NAA16: variants seen among roughly 807,000 people sequenced by gnomAD.
NAA16 encodes NARG1-like protein.
A neutral mutation model predicts 110.3 loss-of-function variants in NAA16; 97 were observed. The observed-to-expected ratio is 0.88, with a 90% CI of 0.75 to 1.04. The LOEUF is 1.04. Ranked by LOEUF, NAA16 falls within the 50% of genes least tolerant of loss-of-function variation. The pLI is 0.00. For synonymous variants in NAA16, 372 were observed against 330.6 expected, an observed-to-expected ratio of 1.13 and a Z score of -1.36; for missense variants, 1,017 against 1,005.1, an observed-to-expected ratio of 1.01 and a Z score of -0.16.
chr13:41,331,841 T>C (rs141161455), intron 8 of NAA16, among the ~76,000 whole-genome samples: 126 of 152,254 alleles, frequency 8.3e-4, no homozygotes, highest in African/African-American at 2.8e-3. Flanking sequence ...AGGCGATAGG[T>C]ACCCTAAATA....
intron 9 of NAA16, among the ~76,000 whole-genome samples, chr13:41,338,601 G>GTATA (rs1566266361): frequency 6.6e-6 from 1 of 152,236 alleles, no homozygotes; most frequent in East Asian, 1.9e-4. Context: ...TCTGAATTTA[G>GTATA]TATAGTGAGA....
intron 3 of NAA16, among the ~76,000 whole-genome samples, chr13:41,319,853 A>C (rs1462546870): frequency 6.6e-6 from 1 of 150,924 alleles, no homozygotes; most frequent in Non-Finnish European, 1.5e-5. Context: ...GAGCATTGAA[A>C]TTGATTTTCA....
chr13:41,329,971 A>C (rs989057373), intron 7 of NAA16, among the ~76,000 whole-genome samples: 2 of 151,962 alleles, frequency 1.3e-5, no homozygotes, highest in African/African-American at 4.8e-5. Context: ...CTGGAGCTCC[A>C]ACTTGTGACT....
At chr13:41,323,512 G>C (rs1213045039) in intron 5 of NAA16, among the ~76,000 whole-genome samples, 4 of 151,612 alleles carry the variant, frequency 2.6e-5, no homozygotes, top group African/African-American at 9.7e-5. Flanking sequence ...CACCACGCCC[G>C]GCTAATTTTT....
At chr13:41,364,910 G>A (rs1052358811) in intron 13 of NAA16, among the ~76,000 whole-genome samples, 1 of 152,084 alleles carries the variant, frequency 6.6e-6, no homozygotes, top group Non-Finnish European at 1.5e-5. Context: ...TCACATCCGG[G>A]AACTCTGAGA....
At chr13:41,328,682 A>G (rs769683645) in intron 6 of NAA16, 42 bp from the exon 7 acceptor site, 1 of 1,526,660 alleles carries the variant, frequency 6.6e-7, no homozygotes, top group Admixed American at 1.8e-5. Context: ...TCAGATAGAT[A>G]TTTAATGTTT....
intron 10 of NAA16, among the ~76,000 whole-genome samples, chr13:41,356,129 G>A (rs553038762): frequency 6.6e-6 from 1 of 152,190 alleles, no homozygotes; most frequent in Non-Finnish European, 1.5e-5. Flanking sequence ...ACAGGCGTGT[G>A]CCACCATGCC....
At chr13:41,374,269 A>G (rs2043383860) in intron 18 of NAA16, among the ~76,000 whole-genome samples, 1 of 149,632 alleles carries the variant, frequency 6.7e-6, no homozygotes, top group African/African-American at 2.6e-5. Context: ...CTTTTTGAAT[A>G]TGCAAACATT....
chr13:41,352,675 A>G (rs2042868566), intron 9 of NAA16, among the ~76,000 whole-genome samples: 1 of 152,130 alleles, frequency 6.6e-6, no homozygotes, highest in South Asian at 2.1e-4. Context: ...AAATTTATGT[A>G]TATATAAAAT....
chr13:41,311,968 C>T (rs1339360543), intron 1 of NAA16, among the ~76,000 whole-genome samples: 2 of 152,250 alleles, frequency 1.3e-5, no homozygotes, highest in Non-Finnish European at 2.9e-5. Context: ...CCAGTCTCTC[C>T]TCGGCTAGGT....
Position 41,372,344 on chromosome 13 carries a change from T to G in NAA16, c.2056+33T>G, listed in dbSNP as rs762643787. On this transcript the variant is annotated intron_variant, in intron 16 of 19. Transcript: ENST00000379406. ...ATAGTTTGAGTTCAGTTTTTAATCT[T>G]TAATTATATTTGTGACCATATTCAG... 24 of 1,552,930 alleles carry G rather than the reference T, an allele frequency of 1.5e-5. No individual in the cohort carries two copies. The Admixed American group carries it at 5.0e-4, about 32-fold the overall frequency.
chr13:41,361,711 G>A (rs2043115409), intron 12 of NAA16, among the ~76,000 whole-genome samples: 1 of 152,204 alleles, frequency 6.6e-6, no homozygotes, highest in Non-Finnish European at 1.5e-5. Flanking sequence ...TTCCGGGTGG[G>A]ATAGAGTGGG....
Position 41,372,737 on chromosome 13 carries a change from T to A in NAA16, c.2062T>A (p.Phe688Ile), listed in dbSNP as rs1193045372. Residue 688 changes from phenylalanine to isoleucine, a missense_variant, in exon 17 of 20, where the codon TTT (phenylalanine) becomes ATT (isoleucine). Phe to Ile is a conservative substitution (Grantham distance 21). Coordinates refer to ENST00000379406, the MANE Select transcript of NAA16 (RefSeq NM_024561.5). Reference sequence around the variant, plus strand: ...TTGTATTTTTTCTGACACAGGAAAGTTTCTGTTAATGCTGCAGTCTGTCAA... The same window carrying A: ...TTGTATTTTTTCTGACACAGGAAAGATTCTGTTAATGCTGCAGTCTGTCAA... Reference protein sequence around the residue: ...AFEIYFRKGKFLLMLQSVKRA... With the variant: ...AFEIYFRKGKILLMLQSVKRA... 3 of 1,592,510 alleles carry A rather than the reference T, an allele frequency of 1.9e-6. No individual in the cohort carries two copies. The highest frequency in any genetic ancestry group is 2.6e-6 in the Non-Finnish European group (3 of 1,167,534).
At chr13:41,319,623 T>C (rs2041896854) in intron 3 of NAA16, among the ~76,000 whole-genome samples, 1 of 152,084 alleles carries the variant, frequency 6.6e-6, no homozygotes, top group African/African-American at 2.4e-5. Context: ...TTTAAGCGAT[T>C]CTCCCACCTC....
At chr13:41,366,494 A>C (rs950725722) in intron 13 of NAA16, among the ~76,000 whole-genome samples, 1 of 152,206 alleles carries the variant, frequency 6.6e-6, no homozygotes, top group Admixed American at 6.5e-5. Context: ...ATGGAAATGC[A>C]TGCAGGGGAA....
chr13:41,311,661 C>T, intron 1 of NAA16, 79 bp downstream of exon 1: 1 of 1,375,768 alleles, frequency 7.3e-7, no homozygotes, highest in Non-Finnish European at 1.0e-6. Context: ...TGGCGGCGGC[C>T]GGCGCGGGCC....
intron 2 of NAA16, among the ~76,000 whole-genome samples, chr13:41,317,294 A>T (rs1056394846): frequency 2.6e-5 from 4 of 152,026 alleles, no homozygotes; most frequent in Non-Finnish European, 4.4e-5. Context: ...AAGTATGAAG[A>T]TATGGTCACC....
chr13:41,351,675 A>G (rs1265863520), intron 9 of NAA16, among the ~76,000 whole-genome samples: 2 of 152,248 alleles, frequency 1.3e-5, no homozygotes, highest in East Asian at 3.8e-4. Flanking sequence ...ATTAACAAAG[A>G]TAAAAAGCTT....
chr13:41,312,253 C>G (rs2041631037), intron 1 of NAA16, among the ~76,000 whole-genome samples: 1 of 152,220 alleles, frequency 6.6e-6, no homozygotes, highest in Admixed American at 6.5e-5. Flanking sequence ...GCTTTTTAGT[C>G]GCACAGGCCT....
Sources: gnomAD v4.1 joint callset for allele counts (sites outside exome capture counted in the v4.1 genomes callset) on GRCh38, gnomAD v4.1.1 for gene constraint, MANE v1.5 for transcripts, NCBI Gene and HGNC (gene_info 2026-07-23, HGNC 2026-07-21) for gene names.